RAPGEF5: variants seen among roughly 807,000 people sequenced by gnomAD.
RAPGEF5 encodes M-Ras-regulated GEF.
RAPGEF5 carries 65 observed loss-of-function variants against 125.2 expected under a neutral mutation model. The observed-to-expected ratio is 0.52, with a 90% CI of 0.43 to 0.64. The LOEUF (loss-of-function observed/expected upper bound fraction) is 0.64, where lower values mean the gene tolerates loss of function less well. Ranked by LOEUF, RAPGEF5 falls within the 30% of genes least tolerant of loss-of-function variation. The pLI, the probability that RAPGEF5 is intolerant of heterozygous loss-of-function variation, is 0.00. For synonymous variants in RAPGEF5, 391 were observed against 385.9 expected (o/e 1.01, Z -0.16); for missense variants, 958 against 1,048.1 (o/e 0.91, Z 1.19).
intron 1 of RAPGEF5, among the ~76,000 whole-genome samples, chr7:22,320,458 C>T (rs1400849246): frequency 6.6e-6 from 1 of 152,204 alleles, no homozygotes; most frequent in African/African-American, 2.4e-5. Flanking sequence ...AGGACTGTTA[C>T]TTAATTTTAT....
chr7:22,320,807 A>G (rs1248868328), intron 1 of RAPGEF5, among the ~76,000 whole-genome samples: 1 of 152,220 alleles, frequency 6.6e-6, no homozygotes, highest in Non-Finnish European at 1.5e-5. Flanking sequence ...TCCTTAATTT[A>G]GAAAACCCAT....
At chr7:22,303,687 A>G (rs1783265459) in intron 5 of RAPGEF5, among the ~76,000 whole-genome samples, 1 of 152,254 alleles carries the variant, frequency 6.6e-6, no homozygotes, top group Non-Finnish European at 1.5e-5. Flanking sequence ...TGAATGGACA[A>G]TGTAAGAATC....
intron 9 of RAPGEF5, among the ~76,000 whole-genome samples, chr7:22,212,310 C>A (rs1024939570): frequency 2.6e-5 from 4 of 152,130 alleles, no homozygotes; most frequent in African/African-American, 9.7e-5. Context: ...ACACCCATCC[C>A]TCCTCACTTT....
intron 24 of RAPGEF5, among the ~76,000 whole-genome samples, chr7:22,126,535 A>T (rs1782750983): frequency 6.6e-6 from 1 of 152,240 alleles, no homozygotes; most frequent in Admixed American, 6.5e-5. Context: ...ATTCTTGTAG[A>T]TTCAAAGGTT....
chr7:22,354,639 T>C (rs1784389143), intron 1 of RAPGEF5, among the ~76,000 whole-genome samples: 1 of 152,118 alleles, frequency 6.6e-6, no homozygotes, highest in African/African-American at 2.4e-5. Context: ...GATAATTATT[T>C]AGGGTTAGAC....
intron 6 of RAPGEF5, among the ~76,000 whole-genome samples, 159 bp from the exon 7 acceptor site, chr7:22,267,171 C>T (rs1414627999): frequency 6.6e-6 from 1 of 151,998 alleles, no homozygotes; most frequent in African/African-American, 2.4e-5. Flanking sequence ...GTTTTTAGTA[C>T]ATGGAAAAAC....
chr7:22,138,402 C>T (rs183167949), intron 21 of RAPGEF5, among the ~76,000 whole-genome samples: 19 of 152,342 alleles, frequency 1.2e-4, no homozygotes, highest in Admixed American at 1.2e-3. Flanking sequence ...CATTTTTCCT[C>T]GCTGGCCCTT....
intron 5 of RAPGEF5, among the ~76,000 whole-genome samples, chr7:22,303,324 CA>C (rs2128151011): frequency 6.6e-6 from 1 of 152,280 alleles, no homozygotes; most frequent in South Asian, 2.1e-4. Context: ...CTGATTCAGT[CA>C]CTTTTTTTTT....
chr7:22,161,216 AAAT>A (rs1783984028), intron 13 of RAPGEF5, among the ~76,000 whole-genome samples: 1 of 152,012 alleles, frequency 6.6e-6, no homozygotes, highest in South Asian at 2.1e-4. Context: ...CTCAAAAAAT[AAAT>A]AAATAAGTAA....
At chr7:22,200,803 G>C (rs577836871) in intron 9 of RAPGEF5, among the ~76,000 whole-genome samples, 1 of 152,194 alleles carries the variant, frequency 6.6e-6, no homozygotes, top group Admixed American at 6.5e-5. Context: ...AGCAAGCCTA[G>C]GAATTTGATC....
rs372217985 is a variant in RAPGEF5, at chr7:22,186,359, G to A, written c.1204+7008C>T. Among the ~76,000 whole-genome samples the A allele has an allele frequency of 5.9e-5, 9 of 152,038 alleles. No homozygotes were observed. In the South Asian group the frequency reaches 1.0e-3, roughly 18 times the overall value. On this transcript the variant is annotated intron_variant, in intron 11 of 25. Transcript: ENST00000665637. Reference sequence around the variant, plus strand: ...TGTATTTCTTTTGATTCTGAACTTCGTTGCATTTGACCAGAAGTTTCACAT... The same window carrying A: ...TGTATTTCTTTTGATTCTGAACTTCATTGCATTTGACCAGAAGTTTCACAT...
chr7:22,203,829 G>A (rs1220678300), intron 9 of RAPGEF5, among the ~76,000 whole-genome samples: 1 of 152,146 alleles, frequency 6.6e-6, no homozygotes, highest in Non-Finnish European at 1.5e-5. Flanking sequence ...GCATGGTACA[G>A]TGTGCACACA....
rs528741304 is a variant in RAPGEF5 at position 22,279,565 on chromosome 7, G to A, written c.747+11610C>T. Among the ~76,000 whole-genome samples the A allele has an allele frequency of 5.9e-5, 9 of 152,268 alleles. No homozygotes were observed. The South Asian group carries it at 1.0e-3, about 18-fold the overall frequency. ...ATTGGTGAAAAGTGCTCAGACCTCCGAAAGATAGAGCTAGGTGCACCCCCA... is the reference window on the plus strand; with the variant it reads ...ATTGGTGAAAAGTGCTCAGACCTCCAAAAGATAGAGCTAGGTGCACCCCCA... On this transcript the variant is annotated intron_variant, in intron 6 of 25. Coordinates refer to ENST00000665637, the MANE Select transcript of RAPGEF5 (RefSeq NM_012294.5).
chr7:22,356,015 G>C, intron 1 of RAPGEF5: 1 of 985,452 alleles, frequency 1.0e-6, no homozygotes, highest in Non-Finnish European at 1.2e-6. Flanking sequence ...AGGGAAATCT[G>C]AGTAAGTCAG....
chr7:22,265,085 T>C (rs567737914), intron 7 of RAPGEF5, among the ~76,000 whole-genome samples: 1 of 152,330 alleles, frequency 6.6e-6, no homozygotes, highest in East Asian at 1.9e-4. Context: ...AGTTGGGATA[T>C]CCATCACCTC....
At chr7:22,176,835 G>T (rs575661615) in intron 11 of RAPGEF5, among the ~76,000 whole-genome samples, 8 of 152,254 alleles carry the variant, frequency 5.3e-5, no homozygotes, top group Admixed American at 2.0e-4. Context: ...CTGGCCAATT[G>T]AGGTTCTTTC....
intron 3 of RAPGEF5, among the ~76,000 whole-genome samples, chr7:22,314,233 C>T (rs1398142323): frequency 2.0e-5 from 3 of 152,152 alleles, no homozygotes; most frequent in Non-Finnish European, 4.4e-5. Context: ...GGAATGGTTA[C>T]TGGCTGAAGA....
chr7:22,170,613 T>A (rs1440881027), intron 11 of RAPGEF5, among the ~76,000 whole-genome samples: 1 of 152,198 alleles, frequency 6.6e-6, no homozygotes, highest in Non-Finnish European at 1.5e-5. Flanking sequence ...AACTTTGACA[T>A]AACCAGTCAT....
At chr7:22,197,893 T>TGGGGGGGGGG (rs56101457) in intron 9 of RAPGEF5, among the ~76,000 whole-genome samples, 1 of 116,294 alleles carries the variant, frequency 8.6e-6, no homozygotes, top group African/African-American at 3.4e-5. Flanking sequence ...TCTTTTTTTT[T>TGGGGGGGGGG]GGGGGGGGGT....
Sources: gnomAD v4.1 joint callset for allele counts (sites outside exome capture counted in the v4.1 genomes callset) on GRCh38, gnomAD v4.1.1 for gene constraint, MANE v1.5 for transcripts, NCBI Gene and HGNC (gene_info 2026-07-23, HGNC 2026-07-21) for gene names.